The following PIK3C2G variants were observed in gnomAD, a reference collection of about 807,000 sequenced individuals.
PIK3C2G encodes the protein phosphatidylinositol 3-kinase C2 domain-containing subunit gamma.
In PIK3C2G, 168 loss-of-function variants were observed where a neutral mutation model predicts 181.1. The observed-to-expected ratio is 0.93, with a 90% CI of 0.82 to 1.05. The LOEUF (loss-of-function observed/expected upper bound fraction) is 1.05. Among genes scored for constraint, PIK3C2G ranks in the 50% least tolerant of loss-of-function variants. PIK3C2G has a pLI of 0.00. For missense variants in PIK3C2G, 1,869 were observed against 1,732.8 expected (o/e 1.08, Z -1.40); for synonymous variants, 573 against 592.2 (o/e 0.97, Z 0.47).
chr12:18,697,025 A>C, the PIK3C2G span, among the ~76,000 whole-genome samples: 1 of 152,112 alleles, frequency 6.6e-6, no homozygotes, highest in Non-Finnish European at 1.5e-5. Flanking sequence ...AAGTCACTTG[A>C]GATTCAAACT....
chr12:18,656,438 C>T, the PIK3C2G span, among the ~76,000 whole-genome samples: 2,312 of 152,044 alleles, frequency 0.015, 33 homozygotes, highest in African/African-American at 0.043. Flanking sequence ...TGGTGGCGGG[C>T]GCCTGTAATC....
upstream of PIK3C2G, among the ~76,000 whole-genome samples, chr12:18,257,763 A>G (rs953609459): frequency 1.5e-5 from 2 of 135,304 alleles, no homozygotes; most frequent in Non-Finnish European, 3.1e-5. Context: ...GAGGGAGGAA[A>G]AAAAGAAGAA....
chr12:18,297,417 A>C (rs879706665), intron 5 of PIK3C2G, among the ~76,000 whole-genome samples: 16 of 151,992 alleles, frequency 1.1e-4, no homozygotes, highest in Admixed American at 3.9e-4. Context: ...TTATTGATAC[A>C]TTGTAAATAT....
At chr12:18,470,215 A>G (rs889279089) in intron 18 of PIK3C2G, among the ~76,000 whole-genome samples, 1 of 152,138 alleles carries the variant, frequency 6.6e-6, no homozygotes, top group African/African-American at 2.4e-5. Context: ...AGTTAAGATT[A>G]TAACTGATCT....
chr12:18,326,177 G>A (rs181010445), intron 8 of PIK3C2G, among the ~76,000 whole-genome samples: 1 of 152,146 alleles, frequency 6.6e-6, no homozygotes, highest in Non-Finnish European at 1.5e-5. Context: ...AGAGAAGGTA[G>A]CATGGCAGAG....
chr12:18,355,809 T>C (rs560035875), intron 11 of PIK3C2G, among the ~76,000 whole-genome samples: 10 of 152,300 alleles, frequency 6.6e-5, no homozygotes, highest in African/African-American at 2.4e-4. Context: ...TTGTTCTGAG[T>C]TGCATATCTG....
intron 1 of PIK3C2G, among the ~76,000 whole-genome samples, chr12:18,254,300 G>A (rs2136963272): frequency 6.6e-6 from 1 of 152,064 alleles, no homozygotes; most frequent in African/African-American, 2.4e-5. Context: ...CACATTTCCA[G>A]AGGTCCATCT....
chr12:18,279,890 G>T (rs151176724), intron 1 of PIK3C2G, among the ~76,000 whole-genome samples: 114 of 151,842 alleles, frequency 7.5e-4, no homozygotes, highest in Non-Finnish European at 1.2e-3. Context: ...AGTTAGTTCA[G>T]TTACTTTACT....
upstream of PIK3C2G, among the ~76,000 whole-genome samples, chr12:18,259,163 C>T (rs1013035231): frequency 2.0e-5 from 3 of 152,042 alleles, no homozygotes; most frequent in Non-Finnish European, 2.9e-5. Flanking sequence ...GAAATCTTGT[C>T]GGTCTTTTTC....
intron 28 of PIK3C2G, 66 bp downstream of exon 28, chr12:18,563,564 T>C (rs530982256): frequency 2.0e-6 from 3 of 1,479,480 alleles, no homozygotes; most frequent in African/African-American, 2.8e-5. Flanking sequence ...AGAAAAATTA[T>C]GGTTATGGGA....
intron 31 of PIK3C2G, among the ~76,000 whole-genome samples, chr12:18,624,198 T>C (rs1054782403): frequency 5.9e-5 from 9 of 151,772 alleles, no homozygotes; most frequent in Non-Finnish European, 1.2e-4. Context: ...TGTGCTGAGA[T>C]ACATTCTTTC....
intron 16 of PIK3C2G, among the ~76,000 whole-genome samples, chr12:18,405,962 T>C (rs1359173425): frequency 6.6e-6 from 1 of 152,146 alleles, no homozygotes; most frequent in African/African-American, 2.4e-5. Flanking sequence ...CGCAGTGCAA[T>C]AGATCACAGA....
At chr12:18,471,511 T>C (rs891728577) in intron 18 of PIK3C2G, among the ~76,000 whole-genome samples, 1 of 152,192 alleles carries the variant, frequency 6.6e-6, no homozygotes, top group African/African-American at 2.4e-5. Flanking sequence ...AACTGTTGCC[T>C]GAATAATTCT....
rs957273175 is a variant in PIK3C2G, at chr12:18,592,995, G to C, written c.4012-1499G>C. Among the ~76,000 whole-genome samples the C allele has an allele frequency of 3.9e-5, 6 of 152,028 alleles. No homozygotes were observed. The South Asian group carries it at 1.2e-3, about 32-fold the overall frequency. On this transcript the variant is annotated intron_variant, in intron 29 of 32. Coordinates refer to ENST00000538779, the MANE Select transcript of PIK3C2G (RefSeq NM_001288772.2). The stretch of plus-strand genomic sequence containing the variant: ...AAGTCTGATATAAAGATGTCTGTAG[G>C]GTTGGTTCCTTCTGATGGCTATGAG...
chr12:18,566,494 A>G (rs1945643162), intron 28 of PIK3C2G, among the ~76,000 whole-genome samples: 1 of 152,224 alleles, frequency 6.6e-6, no homozygotes, highest in Non-Finnish European at 1.5e-5. Context: ...ACTATTTTCT[A>G]GAAGGCTAAG....
intron 31 of PIK3C2G, among the ~76,000 whole-genome samples, chr12:18,618,760 T>C (rs1948715017): frequency 6.6e-6 from 1 of 151,872 alleles, no homozygotes; most frequent in African/African-American, 2.4e-5. Context: ...TGGCAAGAAA[T>C]AAAAATCACA....
chr12:18,328,541 AAAAC>A (rs1157763175), intron 8 of PIK3C2G, among the ~76,000 whole-genome samples: 4 of 152,020 alleles, frequency 2.6e-5, no homozygotes, highest in Non-Finnish European at 5.9e-5. Context: ...ATGGTAGTCT[AAAAC>A]AAAATTTAGG....
At chr12:18,416,739 T>C (rs1378370109) in intron 16 of PIK3C2G, among the ~76,000 whole-genome samples, 2 of 152,204 alleles carry the variant, frequency 1.3e-5, no homozygotes, top group Non-Finnish European at 2.9e-5. Context: ...AAAAGATTCT[T>C]TTCAAAATAT....
intron 3 of PIK3C2G, among the ~76,000 whole-genome samples, chr12:18,288,241 A>T (rs1949540326): frequency 6.6e-6 from 1 of 152,236 alleles, no homozygotes; most frequent in Non-Finnish European, 1.5e-5. Context: ...TATTGTTTGA[A>T]ATATAATAAC....
Sources: allele counts gnomAD v4.1 joint callset (sites outside exome capture counted in the v4.1 genomes callset), GRCh38; gene constraint gnomAD v4.1.1; transcripts MANE v1.5; gene names NCBI Gene and HGNC (gene_info 2026-07-23, HGNC 2026-07-21).